Variants in ITIH5 observed in about 807,000 individuals in gnomAD.
ITIH5 encodes inter-alpha-trypsin inhibitor heavy chain H5.
Under a neutral mutation model 77.5 loss-of-function variants are expected in ITIH5, and 65 were observed. The ratio of observed to expected loss-of-function variants is 0.84; its 90% CI spans 0.69 to 1.03. The LOEUF is 1.03. ITIH5 is among the 50% of genes least tolerant of loss of function. The pLI is 0.00. For synonymous variants in ITIH5, 525 were observed against 494.3 expected, an observed-to-expected ratio of 1.06 and a Z score of -0.82; for missense variants, 1,208 against 1,213.1, an observed-to-expected ratio of 1.00 and a Z score of 0.06.
intron 7 of ITIH5, among the ~76,000 whole-genome samples, chr10:7,597,355 C>A (rs35054674): frequency 7.2e-5 from 11 of 152,190 alleles, no homozygotes; most frequent in Admixed American, 2.0e-4. Context: ...CCCGTCATCA[C>A]GCCATCTGAA....
At chr10:7,571,833 G>A (rs553843786) in intron 11 of ITIH5, 134 of 324,408 alleles carry the variant, frequency 4.1e-4, no homozygotes, top group Middle Eastern at 3.2e-3. Flanking sequence ...AAAAAAGTCC[G>A]TACACATTCA....
At position 7,644,614 on chromosome 10, in the gene ITIH5, A is replaced by ACATATATAT. The variant is rs1564277709; in HGVS notation, c.136-2533_136-2525dup. On this transcript the variant is annotated intron_variant, in intron 2 of 13. Coordinates refer to ENST00000397146, the MANE Select transcript of ITIH5 (RefSeq NM_030569.7). ...ATATATCATACATATCACATATATC[A>ACATATATAT]CATATATATCACATATATCACATAT... Among the ~76,000 whole-genome samples, 128 of 85,526 alleles carry ACATATATAT rather than the reference A, an allele frequency of 1.5e-3. 2 individuals carry two copies. The highest frequency in any genetic ancestry group is 4.5e-3 in the South Asian group (10 of 2,226). The allele number at this position is 85,526 out of a possible 152,430, so 56.1% of individuals were successfully genotyped here.
chr10:7,590,581 T>C (rs1419698912), intron 7 of ITIH5, among the ~76,000 whole-genome samples: 1 of 152,218 alleles, frequency 6.6e-6, no homozygotes, highest in Admixed American at 6.5e-5. Context: ...ACGTATCATA[T>C]ACGGTTTTCA....
chr10:7,614,783 G>C (rs1057044353), intron 7 of ITIH5, among the ~76,000 whole-genome samples: 9 of 152,152 alleles, frequency 5.9e-5, no homozygotes, highest in Non-Finnish European at 1.2e-4. Flanking sequence ...CATTTATAAA[G>C]TAGTAGATTG....
At chr10:7,664,562 C>A (rs1297133429) in intron 1 of ITIH5, among the ~76,000 whole-genome samples, 2 of 152,146 alleles carry the variant, frequency 1.3e-5, no homozygotes, top group East Asian at 1.9e-4. Flanking sequence ...AGGGTGAAAA[C>A]CACTGCTTTT....
intron 8 of ITIH5, among the ~76,000 whole-genome samples, chr10:7,585,676 T>C (rs1415955514): frequency 6.6e-6 from 1 of 152,094 alleles, no homozygotes; most frequent in African/African-American, 2.4e-5. Flanking sequence ...ATCAGGTTAT[T>C]TTCCCCCAGA....
chr10:7,652,925 A>C (rs1302487776), intron 2 of ITIH5, among the ~76,000 whole-genome samples: 1 of 152,094 alleles, frequency 6.6e-6, no homozygotes. Flanking sequence ...CAGGAGAACG[A>C]CTCTGAATGG....
chr10:7,575,990 G>A (rs1317911375), intron 10 of ITIH5, among the ~76,000 whole-genome samples: 1 of 152,104 alleles, frequency 6.6e-6, no homozygotes, highest in Non-Finnish European at 1.5e-5. Flanking sequence ...AATACTCCCT[G>A]AAGATTATGA....
intron 5 of ITIH5, among the ~76,000 whole-genome samples, chr10:7,631,679 C>T (rs1394487850): frequency 6.6e-6 from 1 of 152,008 alleles, no homozygotes; most frequent in African/African-American, 2.4e-5. Flanking sequence ...TGGCCTGTAT[C>T]TGAGAGTGAA....
At chr10:7,644,530 G>GATATATCACATATATGAT (rs1564277443) in intron 2 of ITIH5, among the ~76,000 whole-genome samples, 5 of 59,754 alleles carry the variant, frequency 8.4e-5, no homozygotes, top group African/African-American at 3.0e-4. Context: ...ACATATATAT[G>GATATATCACATATATGAT]ATATATCACA....
At chr10:7,582,609 T>G (rs1295216249) in intron 8 of ITIH5, among the ~76,000 whole-genome samples, 2 of 152,112 alleles carry the variant, frequency 1.3e-5, no homozygotes, top group Non-Finnish European at 2.9e-5. Context: ...ACCTGCAAAT[T>G]TTACCACATT....
chr10:7,567,024 C>T (rs925720577), intron 12 of ITIH5, among the ~76,000 whole-genome samples: 1 of 151,916 alleles, frequency 6.6e-6, no homozygotes, highest in Non-Finnish European at 1.5e-5. Context: ...GTCTGACTTA[C>T]ACACAGAGGT....
intron 7 of ITIH5, among the ~76,000 whole-genome samples, chr10:7,594,064 T>A (rs1169927108): frequency 6.6e-6 from 1 of 152,220 alleles, no homozygotes; most frequent in African/African-American, 2.4e-5. Flanking sequence ...TGAAATGCAG[T>A]CAGACTCTGC....
chr10:7,656,149 T>G (rs890955441), intron 1 of ITIH5, among the ~76,000 whole-genome samples: 31 of 152,204 alleles, frequency 2.0e-4, no homozygotes, highest in Non-Finnish European at 3.2e-4. Context: ...TTGAATTTTC[T>G]TCATGGTGTC....
At chr10:7,639,926 G>T (rs754458893) in intron 4 of ITIH5, among the ~76,000 whole-genome samples, 1 of 152,026 alleles carries the variant, frequency 6.6e-6, no homozygotes, top group Non-Finnish European at 1.5e-5. Flanking sequence ...AATCATTTAA[G>T]ATAGTAGGGA....
chr10:7,588,158 C>T (rs1328141783), intron 7 of ITIH5, among the ~76,000 whole-genome samples: 6 of 152,204 alleles, frequency 3.9e-5, no homozygotes, highest in Non-Finnish European at 1.5e-5. Flanking sequence ...CTGAGGCAGG[C>T]GGATCACTTA....
rs1319628475 is a variant in ITIH5, at chr10:7,624,765, G to A, written c.653-7483C>T. On this transcript the variant is annotated intron_variant, in intron 5 of 13. Coordinates refer to ENST00000397146, the MANE Select transcript of ITIH5 (RefSeq NM_030569.7). ...TGTGTCACTGCACTCCAACCTGGGC[G>A]ATAGAGTGAGACTCTGCCTAAAAAA... Among the ~76,000 whole-genome samples the A allele has an allele frequency of 2.1e-4, 26 of 125,546 alleles. 1 individual carries two copies. The highest frequency in any genetic ancestry group is 1.7e-3 in the Admixed American group (20 of 12,118). 82.4% of individuals were successfully genotyped at this position (125,546 alleles called of 152,430 possible).
chr10:7,569,408 C>G (rs750608334), intron 12 of ITIH5: 94 of 371,614 alleles, frequency 2.5e-4, no homozygotes, highest in Admixed American at 4.3e-4. Flanking sequence ...CTCTGTGAGG[C>G]CAAGAGAGTG....
At chr10:7,645,792 T>C (rs9630134) in intron 2 of ITIH5, among the ~76,000 whole-genome samples, 10,244 of 152,250 alleles carry the variant, frequency 0.067, 1,137 homozygotes, top group African/African-American at 0.23. Context: ...AACATGTAGC[T>C]TCACCAAATG....
Sources: gnomAD v4.1 joint callset for allele counts (sites outside exome capture counted in the v4.1 genomes callset) on GRCh38, gnomAD v4.1.1 for gene constraint, MANE v1.5 for transcripts, NCBI Gene and HGNC (gene_info 2026-07-23, HGNC 2026-07-21) for gene names.